CWC27: variants seen among roughly 807,000 people sequenced by gnomAD.
CWC27 encodes the protein spliceosome-associated protein CWC27 homolog.
A neutral mutation model predicts 63.6 loss-of-function variants in CWC27; 47 were observed. That is an observed-to-expected ratio of 0.74 (90% CI 0.58 to 0.94). The LOEUF (loss-of-function observed/expected upper bound fraction) is 0.94, where lower values mean the gene tolerates loss of function less well. Among genes scored for constraint, CWC27 ranks in the 40% least tolerant of loss-of-function variants. CWC27 has a pLI of 0.00. For synonymous variants in CWC27, 175 were observed against 179.8 expected (o/e 0.97, Z 0.22); for missense variants, 495 against 554.3 (o/e 0.89, Z 1.07).
At chr5:64,968,271 T>C (rs911704157) in intron 11 of CWC27, among the ~76,000 whole-genome samples, 2 of 152,084 alleles carry the variant, frequency 1.3e-5, no homozygotes, top group African/African-American at 4.8e-5. Flanking sequence ...TCTCCTATAT[T>C]GCGAGTGGAA....
At chr5:64,770,554 T>G (rs955992538) in intron 1 of CWC27, among the ~76,000 whole-genome samples, 3 of 152,210 alleles carry the variant, frequency 2.0e-5, no homozygotes, top group Non-Finnish European at 4.4e-5. Flanking sequence ...ATCCCAGCAG[T>G]CTCTGGCCCC....
intron 11 of CWC27, among the ~76,000 whole-genome samples, chr5:64,940,016 C>T (rs1580738889): frequency 4.6e-5 from 7 of 152,326 alleles, no homozygotes; most frequent in South Asian, 4.1e-4. Flanking sequence ...GTGCTGGCAG[C>T]GAGAATTTCA....
chr5:65,006,038 C>T (rs1271877798), intron 13 of CWC27, among the ~76,000 whole-genome samples: 2 of 152,084 alleles, frequency 1.3e-5, no homozygotes, highest in African/African-American at 4.8e-5. Flanking sequence ...TTAATTAACT[C>T]ATTTGAAATG....
At chr5:64,881,756 AAC>A (rs1746939498) in intron 10 of CWC27, among the ~76,000 whole-genome samples, 1 of 152,132 alleles carries the variant, frequency 6.6e-6, no homozygotes, top group African/African-American at 2.4e-5. Context: ...TAGTATCGTA[AAC>A]AGTCTATACT....
intron 11 of CWC27, among the ~76,000 whole-genome samples, chr5:64,941,713 G>A (rs1271989763): frequency 1.3e-5 from 2 of 151,952 alleles, no homozygotes; most frequent in Non-Finnish European, 2.9e-5. Context: ...GAGATTGGAC[G>A]TTAAATTGCT....
chr5:64,815,010 G>A (rs1744987788), intron 10 of CWC27, among the ~76,000 whole-genome samples: 1 of 152,094 alleles, frequency 6.6e-6, no homozygotes, highest in African/African-American at 2.4e-5. Context: ...ATGACTCCTA[G>A]TTTTCTGGCT....
At chr5:64,955,564 C>T (rs993555808) in intron 11 of CWC27, among the ~76,000 whole-genome samples, 6 of 152,062 alleles carry the variant, frequency 3.9e-5, no homozygotes, top group African/African-American at 1.2e-4. Context: ...ACTCACCATC[C>T]GACCTCAGGT....
chr5:64,917,173 A>AT (rs1747906778), intron 11 of CWC27, among the ~76,000 whole-genome samples: 1 of 152,062 alleles, frequency 6.6e-6, no homozygotes, highest in Non-Finnish European at 1.5e-5. Context: ...ATTTTGCAGT[A>AT]TTTTGTGATG....
chr5:65,011,028 C>T (rs551334164), intron 13 of CWC27, among the ~76,000 whole-genome samples: 2 of 152,242 alleles, frequency 1.3e-5, no homozygotes, highest in Admixed American at 6.5e-5. Flanking sequence ...GCATTGCTGG[C>T]TAGTACAAAG....
chr5:64,923,007 G>A (rs1748026866), intron 11 of CWC27, among the ~76,000 whole-genome samples: 1 of 152,168 alleles, frequency 6.6e-6, no homozygotes, highest in Non-Finnish European at 1.5e-5. Context: ...GGTGCCAGAT[G>A]TTCTCAGGCT....
chr5:64,869,365 T>C (rs1457229954), intron 10 of CWC27, among the ~76,000 whole-genome samples: 1 of 152,088 alleles, frequency 6.6e-6, no homozygotes, highest in African/African-American at 2.4e-5. Flanking sequence ...ATTAAAAATA[T>C]GTTTTTATTA....
At chr5:64,829,976 T>TC (rs1365427897) in intron 10 of CWC27, among the ~76,000 whole-genome samples, 1 of 132,462 alleles carries the variant, frequency 7.5e-6, no homozygotes, top group East Asian at 2.4e-4. Flanking sequence ...CATGAACTCA[T>TC]CTTTTTTTTT....
rs116426420 is a variant in CWC27 at position 64,974,173 on chromosome 5, C to T, written c.1152+2361C>T. Among the ~76,000 whole-genome samples, 1,293 of 151,728 alleles carry T rather than the reference C, an allele frequency of 8.5e-3. 20 individuals carry two copies. Among genetic ancestry groups the T allele is most frequent in the African/African-American group, 0.03 (1,221 of 41,350 alleles). On this transcript the variant is annotated intron_variant, in intron 12 of 13. Coordinates refer to ENST00000381070, the MANE Select transcript of CWC27 (RefSeq NM_005869.4). ...GGATCGCTTGAGCCCAGTAGGTCGA[C>T]GCTGTAGTGAGCCATGATTGTACCA... is the stretch of plus-strand genomic sequence containing the variant.
intron 9 of CWC27, among the ~76,000 whole-genome samples, chr5:64,803,795 T>C (rs1028286527): frequency 2.0e-5 from 3 of 152,186 alleles, no homozygotes; most frequent in Non-Finnish European, 4.4e-5. Flanking sequence ...AAGTGATTGC[T>C]GTGACTTGGA....
At chr5:64,798,951 G>T (rs955905862) in intron 7 of CWC27, among the ~76,000 whole-genome samples, 1 of 152,176 alleles carries the variant, frequency 6.6e-6, no homozygotes, top group Non-Finnish European at 1.5e-5. Flanking sequence ...CAAGATACAG[G>T]GTGTAAGTTT....
rs1271901787 is a variant in CWC27, at chr5:64,990,294, T to G, written c.1256+13056T>G. 1.2e-4 allele frequency among the ~76,000 whole-genome samples: 11 copies of G among 91,348 alleles called. 3 individuals are homozygous for G. The highest frequency in any genetic ancestry group is 2.0e-4 in the Non-Finnish European group (9 of 44,310). The allele number at this position is 91,348 out of a possible 152,430, so 59.9% of individuals were successfully genotyped here. On this transcript the variant is annotated intron_variant, in intron 13 of 13. Transcript: ENST00000381070. Reference sequence around the variant, plus strand: ...TTTTTTTTTTTTTTGAGACGGAGTCTCGCTCTATCACCCAGGCTGGAGTGC... The same window carrying G: ...TTTTTTTTTTTTTTGAGACGGAGTCGCGCTCTATCACCCAGGCTGGAGTGC...
At chr5:64,840,504 C>T (rs909536495) in intron 10 of CWC27, among the ~76,000 whole-genome samples, 3 of 141,438 alleles carry the variant, frequency 2.1e-5, no homozygotes, top group Non-Finnish European at 3.0e-5. Context: ...CTGCATAGAA[C>T]TCTTAATATT....
At chr5:64,964,356 A>G (rs1175276550) in intron 11 of CWC27, among the ~76,000 whole-genome samples, 2 of 152,176 alleles carry the variant, frequency 1.3e-5, no homozygotes, top group Non-Finnish European at 2.9e-5. Context: ...TTAGACAGGG[A>G]AATTGCTTTT....
At chr5:65,011,049 A>G (rs1749945556) in intron 13 of CWC27, among the ~76,000 whole-genome samples, 1 of 152,200 alleles carries the variant, frequency 6.6e-6, no homozygotes, top group Non-Finnish European at 1.5e-5. Context: ...GCCAATTGGT[A>G]CAAAGGCGAA....
Sources: gnomAD v4.1 joint callset for allele counts (sites outside exome capture counted in the v4.1 genomes callset) on GRCh38, gnomAD v4.1.1 for gene constraint, MANE v1.5 for transcripts, NCBI Gene and HGNC (gene_info 2026-07-23, HGNC 2026-07-21) for gene names.